ANKS1A: variants seen among roughly 807,000 people sequenced by gnomAD.
ANKS1A encodes the protein ankyrin repeat and sterile alpha motif domain containing 1A.
Under a neutral mutation model 120.3 loss-of-function variants are expected in ANKS1A, and 55 were observed. That is an observed-to-expected ratio of 0.46 (90% CI 0.37 to 0.57). The LOEUF is 0.57. ANKS1A is among the 20% of genes least tolerant of loss of function. ANKS1A has a pLI of 0.00. For synonymous variants in ANKS1A, 590 were observed against 604.7 expected (o/e 0.98, Z 0.36); for missense variants, 1,123 against 1,480.3 (o/e 0.76, Z 3.96).
At chr6:34,945,639 C>T (rs1193333688) in intron 1 of ANKS1A, among the ~76,000 whole-genome samples, 1 of 152,174 alleles carries the variant, frequency 6.6e-6, no homozygotes, top group Non-Finnish European at 1.5e-5. Context: ...TACTGGCATA[C>T]CTCATCTTTT....
At chr6:34,896,842 T>C (rs1767113525) in intron 1 of ANKS1A, among the ~76,000 whole-genome samples, 2 of 152,142 alleles carry the variant, frequency 1.3e-5, no homozygotes, top group Non-Finnish European at 2.9e-5. Flanking sequence ...CCTGCATCTG[T>C]AATCCCAGCT....
chr6:34,922,695 T>C (rs13200178), intron 1 of ANKS1A, among the ~76,000 whole-genome samples: 1 of 79,562 alleles, frequency 1.3e-5, no homozygotes, highest in Non-Finnish European at 2.4e-5. Flanking sequence ...TGGGCATTTC[T>C]TTTTTTTTTT....
chr6:35,071,377 G>A (rs544615882), intron 13 of ANKS1A, among the ~76,000 whole-genome samples: 2 of 152,352 alleles, frequency 1.3e-5, no homozygotes, highest in Admixed American at 1.3e-4. Context: ...CGGGGCTGCT[G>A]TCTGTCATGC....
In ANKS1A at chr6:35,050,032, C is replaced by T. The variant is rs1001438513; in HGVS notation, c.2011-4067C>T. ...GCCGCCTGGTGATGGGGGATGGAGA[C>T]CTCTCCATACAGAGCTCCACCTCCC... On this transcript the variant is annotated intron_variant, in intron 11 of 23. Transcript: ENST00000360359. The surrounding 1 kb of genome is among the most constrained non-coding windows in gnomAD (Gnocchi z 4.3). 5.9e-5 allele frequency among the ~76,000 whole-genome samples: 9 copies of T among 152,156 alleles called. No individual in the cohort carries two copies. Among genetic ancestry groups the T allele is most frequent in the African/African-American group, 2.2e-4 (9 of 41,408 alleles).
Position 34,983,097 on chromosome 6 carries a change from T to C in ANKS1A, c.809-16T>C, listed in dbSNP as rs371800212. On this transcript the variant is annotated splice_polypyrimidine_tract_variant and intron_variant, in intron 5 of 23. Coordinates refer to ENST00000360359, the MANE Select transcript of ANKS1A (RefSeq NM_015245.3). Reference sequence around the variant, plus strand: ...AAAATGCTCACTCCCCTGGTCCACCTGGTGTGCCTTTCTAGGAACTGACGT... The same window carrying C: ...AAAATGCTCACTCCCCTGGTCCACCCGGTGTGCCTTTCTAGGAACTGACGT... The C allele has an allele frequency of 1.2e-5, 20 of 1,611,100 alleles. No individual in the cohort carries two copies. The African/African-American group carries it at 2.7e-4, about 22-fold the overall frequency.
rs1162952391 is a variant in ANKS1A at position 35,088,698 on chromosome 6, T to C, written c.*89T>C. On this transcript the variant is annotated 3_prime_UTR_variant, in exon 24 of 24. Coordinates refer to ENST00000360359, the MANE Select transcript of ANKS1A (RefSeq NM_015245.3). ...CCACCGCCATCGCCTCACCTGCAGC[T>C]CTGAAGACCCAGGCCTCACCTCCGC... 3.1e-6 allele frequency: 5 copies of C among 1,612,734 alleles called. No individual in the cohort carries two copies. The African/African-American group carries it at 5.3e-5, about 17-fold the overall frequency.
intron 1 of ANKS1A, among the ~76,000 whole-genome samples, chr6:34,961,072 C>A (rs868566031): frequency 6.6e-6 from 1 of 152,212 alleles, no homozygotes; most frequent in South Asian, 2.1e-4. Context: ...AAGTCAAGGG[C>A]AGCTATTGCA....
intron 3 of ANKS1A, among the ~76,000 whole-genome samples, chr6:34,976,147 A>AAAAGAAAAG (rs1554140068): frequency 2.1e-5 from 3 of 145,738 alleles, no homozygotes; most frequent in East Asian, 2.1e-4. Context: ...AAAAAAAAAA[A>AAAAGAAAAG]AAAAGAAAAG....
intron 13 of ANKS1A, among the ~76,000 whole-genome samples, chr6:35,076,256 T>C (rs1777349093): frequency 6.6e-6 from 1 of 151,904 alleles, no homozygotes; most frequent in African/African-American, 2.4e-5. Flanking sequence ...ACCCAGTCTT[T>C]ACTAAAAATA....
chr6:34,891,916 C>T (rs1201414806), intron 1 of ANKS1A, among the ~76,000 whole-genome samples: 2 of 152,216 alleles, frequency 1.3e-5, no homozygotes, highest in Non-Finnish European at 2.9e-5. Flanking sequence ...CGTGAGCCAC[C>T]TTGCCCGGCC....
chr6:35,037,642 T>C (rs1775243438), intron 11 of ANKS1A, among the ~76,000 whole-genome samples: 2 of 152,124 alleles, frequency 1.3e-5, no homozygotes, highest in South Asian at 4.1e-4. Context: ...GCTACTCACC[T>C]AGTGGGAGTA....
rs751249987 is a variant in ANKS1A, at chr6:35,090,219, C to T, written c.*1610C>T. On this transcript the variant is annotated 3_prime_UTR_variant, in exon 24 of 24. Coordinates refer to ENST00000360359, the MANE Select transcript of ANKS1A (RefSeq NM_015245.3). ...CTTGCAGTTTTACTTCATTTCCTGC[C>T]CCTTTCAGGGCCTGTGAGGATGCCC... is the stretch of plus-strand genomic sequence containing the variant. 58 of 1,289,468 alleles carry T rather than the reference C, an allele frequency of 4.5e-5. No individual in the cohort carries two copies. Among genetic ancestry groups the T allele is most frequent in the South Asian group, 7.4e-5 (6 of 81,038 alleles). The allele number at this position is 1,289,468 out of a possible 1,614,324, so 79.9% of individuals were successfully genotyped here. A position where few individuals can be genotyped will look rare whatever the true frequency, so the allele number is the denominator to read the frequency against.
chr6:35,062,275 C>T (rs2127592620), intron 13 of ANKS1A, among the ~76,000 whole-genome samples: 1 of 152,324 alleles, frequency 6.6e-6, no homozygotes, highest in Admixed American at 6.5e-5. Flanking sequence ...GAGCCGGGAC[C>T]TCAGATACCT....
intron 14 of ANKS1A, 81 bp from the exon 15 acceptor site, chr6:35,079,435 G>A: frequency 6.4e-7 from 1 of 1,566,190 alleles, no homozygotes; most frequent in Non-Finnish European, 8.7e-7. Flanking sequence ...CAGTCTGTGT[G>A]AGCTGGCTGG....
intron 13 of ANKS1A, among the ~76,000 whole-genome samples, chr6:35,065,577 T>A (rs979816942): frequency 2.0e-5 from 3 of 152,210 alleles, no homozygotes; most frequent in Admixed American, 6.5e-5. Flanking sequence ...TCAGGTGGCG[T>A]GGAGCTGGGA....
At chr6:35,035,950 C>G (rs1775146626) in intron 11 of ANKS1A, among the ~76,000 whole-genome samples, 1 of 152,166 alleles carries the variant, frequency 6.6e-6, no homozygotes, top group Non-Finnish European at 1.5e-5. Flanking sequence ...AGCAGGAAAG[C>G]TGTTAGCACA....
At chr6:34,964,978 A>G (rs1461022036) in intron 1 of ANKS1A, among the ~76,000 whole-genome samples, 1 of 152,088 alleles carries the variant, frequency 6.6e-6, no homozygotes, top group Non-Finnish European at 1.5e-5. Context: ...GACCTTGTCT[A>G]CTTTCTGCCT....
chr6:34,990,040 T>G (rs1772422509), intron 9 of ANKS1A, among the ~76,000 whole-genome samples: 1 of 152,256 alleles, frequency 6.6e-6, no homozygotes, highest in South Asian at 2.1e-4. Flanking sequence ...TTAGTCATTT[T>G]GTAGCTCATT....
rs1001046992 is a variant in ANKS1A at position 35,082,325 on chromosome 6, C to A, written c.2710-366C>A. ...CCAAGGCGTCCCAGGGTCTCGTGGG[C>A]GCTGTTCTCTCCTTTGGTCTTTGTG... On this transcript the variant is annotated intron_variant, in intron 17 of 23. Coordinates refer to ENST00000360359, the MANE Select transcript of ANKS1A (RefSeq NM_015245.3). This position sits in a 1 kb window ranked among gnomAD's most constrained non-coding sequence, Gnocchi z 4.1. Among the ~76,000 whole-genome samples the A allele has an allele frequency of 6.6e-6, 1 of 152,030 alleles. No homozygotes were observed. The highest frequency in any genetic ancestry group is 6.5e-5 in the Admixed American group (1 of 15,278).
Sources: gnomAD v4.1 joint callset for allele counts (sites outside exome capture counted in the v4.1 genomes callset) on GRCh38, gnomAD v4.1.1 for gene constraint, Gnocchi (gnomAD v3.1) non-coding constraint, MANE v1.5 for transcripts, NCBI Gene and HGNC (gene_info 2026-07-23, HGNC 2026-07-21) for gene names.